CORO2B: variants seen among roughly 807,000 people sequenced by gnomAD.
CORO2B encodes the protein coronin 2B.
CORO2B carries 26 observed loss-of-function variants against 58.8 expected under a neutral mutation model. That is an observed-to-expected ratio of 0.44 (90% confidence interval 0.32 to 0.61). The LOEUF (loss-of-function observed/expected upper bound fraction) is 0.61. CORO2B is among the 20% of genes least tolerant of loss of function. The pLI is 0.04. For synonymous variants in CORO2B, 242 were observed against 253.8 expected (o/e 0.95, Z 0.44); for missense variants, 460 against 645.1 (o/e 0.71, Z 3.11).
At chr15:68,608,658 C>T (rs950358092) in intron 1 of CORO2B, among the ~76,000 whole-genome samples, 2 of 152,208 alleles carry the variant, frequency 1.3e-5, no homozygotes, top group African/African-American at 2.4e-5. Context: ...CCAGTTCCTC[C>T]TCTCCTAGGG....
intron 2 of CORO2B, among the ~76,000 whole-genome samples, chr15:68,654,316 G>A (rs941696899): frequency 3.3e-5 from 5 of 152,234 alleles, no homozygotes; most frequent in Non-Finnish European, 7.3e-5. Context: ...TGGGCATCAT[G>A]GGAGGTCAAA....
At chr15:68,669,264 A>G (rs979759638) in intron 2 of CORO2B, among the ~76,000 whole-genome samples, 1 of 152,330 alleles carries the variant, frequency 6.6e-6, no homozygotes, top group East Asian at 1.9e-4. Context: ...CGCCCAGACC[A>G]TGGCCTGTTC....
At chr15:68,712,062 C>T (rs1892932783) in intron 5 of CORO2B, among the ~76,000 whole-genome samples, 2 of 152,206 alleles carry the variant, frequency 1.3e-5, no homozygotes, top group African/African-American at 4.8e-5. Flanking sequence ...GGACTCACTG[C>T]CCAGCCACTT....
the CORO2B span, among the ~76,000 whole-genome samples, chr15:68,561,442 C>T: frequency 6.6e-6 from 1 of 151,006 alleles, no homozygotes; most frequent in Non-Finnish European, 1.5e-5. Flanking sequence ...GACAAGCCAA[C>T]ACTGCCTCCC....
chr15:68,717,381 G>A (rs1453650252), intron 8 of CORO2B, among the ~76,000 whole-genome samples: 1 of 152,154 alleles, frequency 6.6e-6, no homozygotes, highest in Non-Finnish European at 1.5e-5. Flanking sequence ...GAGGAAGACA[G>A]GGAAACCAGT....
In CORO2B at chr15:68,703,308, G is replaced by A. The variant is rs958743429; in HGVS notation, c.334-7424G>A. Reference sequence around the variant, plus strand: ...TGGGATTACAGGCACGCGCTACCACGCCCAGTTAATTTTTGTATTTTTAGT... The same window carrying A: ...TGGGATTACAGGCACGCGCTACCACACCCAGTTAATTTTTGTATTTTTAGT... On this transcript the variant is annotated intron_variant, in intron 3 of 11. Coordinates refer to ENST00000261861, the MANE Select transcript of CORO2B (RefSeq NM_006091.5). 8.8e-5 allele frequency among the ~76,000 whole-genome samples: 13 copies of A among 148,332 alleles called. No individual in the cohort carries two copies. In the East Asian group the frequency reaches 1.6e-3, roughly 18 times the overall value.
chr15:68,641,182 T>C (rs1901209099), intron 1 of CORO2B, among the ~76,000 whole-genome samples: 1 of 152,168 alleles, frequency 6.6e-6, no homozygotes, highest in Non-Finnish European at 1.5e-5. Flanking sequence ...GAAGCAGGCC[T>C]GCCTCATTCT....
At chr15:68,677,246 A>G (rs1340980560) in intron 2 of CORO2B, among the ~76,000 whole-genome samples, 2 of 152,134 alleles carry the variant, frequency 1.3e-5, no homozygotes, top group Non-Finnish European at 2.9e-5. Flanking sequence ...CCCCATCACT[A>G]TATTTGCAGG....
intron 11 of CORO2B, among the ~76,000 whole-genome samples, chr15:68,724,562 T>G (rs1397597511): frequency 6.6e-6 from 1 of 152,184 alleles, no homozygotes; most frequent in Non-Finnish European, 1.5e-5. Flanking sequence ...TAGAATATTC[T>G]CCAGTCTTTT....
intron 2 of CORO2B, among the ~76,000 whole-genome samples, chr15:68,658,311 G>GAGA (rs1901890471): frequency 6.6e-6 from 1 of 152,072 alleles, no homozygotes; most frequent in African/African-American, 2.4e-5. Flanking sequence ...GGAGGAGGAG[G>GAGA]GCGAGATGCA....
chr15:68,602,372 TTGAGA>T (rs1457994482), intron 1 of CORO2B, among the ~76,000 whole-genome samples: 1 of 150,524 alleles, frequency 6.6e-6, no homozygotes, highest in African/African-American at 2.5e-5. Flanking sequence ...TTTGCCATGA[TTGAGA>T]TATTTGGTCC....
intron 2 of CORO2B, among the ~76,000 whole-genome samples, chr15:68,670,125 C>G (rs1209506096): frequency 6.6e-6 from 1 of 151,648 alleles, no homozygotes; most frequent in Admixed American, 6.6e-5. Context: ...TATAGATAAC[C>G]AACTAGTAGA....
rs562094442 is a variant in CORO2B, at chr15:68,641,255, G to A, written c.16-3905G>A. 8.5e-5 allele frequency among the ~76,000 whole-genome samples: 13 copies of A among 152,324 alleles called. No homozygotes were observed. In the East Asian group the frequency reaches 1.4e-3, roughly 16 times the overall value. ...GTGGGAGAACATGCCTGCTCACCCC[G>A]AGCCTGAGCGCTGTGGTCCCCCAGG... On this transcript the variant is annotated intron_variant, in intron 1 of 11. Transcript: ENST00000261861.
chr15:68,703,015 C>T (rs1173619207), intron 3 of CORO2B, among the ~76,000 whole-genome samples: 3 of 150,928 alleles, frequency 2.0e-5, no homozygotes, highest in Non-Finnish European at 3.0e-5. Context: ...TTAGTAGAGA[C>T]GGGGTTTCAC....
At chr15:68,643,786 C>A (rs1484484210) in intron 1 of CORO2B, among the ~76,000 whole-genome samples, 1 of 152,120 alleles carries the variant, frequency 6.6e-6, no homozygotes, top group Non-Finnish European at 1.5e-5. Flanking sequence ...ACCTGTAATC[C>A]CAGCGCTTTG....
At chr15:68,553,363 T>C in the CORO2B span, among the ~76,000 whole-genome samples, 1 of 151,938 alleles carries the variant, frequency 6.6e-6, no homozygotes. Context: ...AATCACAAGA[T>C]CTTTGTAACA....
At position 68,689,229 on chromosome 15, in the gene CORO2B, A is replaced by G. The variant is rs1892297150; in HGVS notation, c.217-5911A>G. Among the ~76,000 whole-genome samples the G allele has an allele frequency of 2.0e-5, 3 of 151,752 alleles. No homozygotes were observed. The South Asian group carries it at 6.3e-4, about 32-fold the overall frequency. The stretch of plus-strand genomic sequence containing the variant: ...CTCCAAAGAATAGGTCTCTTCCTCC[A>G]CCCTCCACCCCAGGCAGCAAGGTCT... On this transcript the variant is annotated intron_variant, in intron 2 of 11. Transcript: ENST00000261861.
chr15:68,550,490 A>G, the CORO2B span, among the ~76,000 whole-genome samples: 1 of 152,232 alleles, frequency 6.6e-6, no homozygotes, highest in South Asian at 2.1e-4. Context: ...GCTCAGTTTC[A>G]TCATCTATAA....
At chr15:68,597,803 C>T (rs2140237263) in intron 1 of CORO2B, among the ~76,000 whole-genome samples, 1 of 152,282 alleles carries the variant, frequency 6.6e-6, no homozygotes, top group South Asian at 2.1e-4. Flanking sequence ...GTGGCCTGCA[C>T]AGTTAGACCC....
Sources: gnomAD v4.1 joint callset for allele counts (sites outside exome capture counted in the v4.1 genomes callset) on GRCh38, gnomAD v4.1.1 for gene constraint, MANE v1.5 for transcripts, NCBI Gene and HGNC (gene_info 2026-07-23, HGNC 2026-07-21) for gene names.